Variants in CCDC60 observed in about 807,000 individuals in gnomAD.
The protein encoded by CCDC60 is coiled-coil domain containing 60.
CCDC60 carries 54 observed loss-of-function variants against 63.5 expected under a neutral mutation model. That is an observed-to-expected ratio of 0.85 (90% CI 0.68 to 1.07). The LOEUF (loss-of-function observed/expected upper bound fraction) is 1.07, where lower values mean the gene tolerates loss of function less well. Ranked by LOEUF, CCDC60 falls within the 50% of genes least tolerant of loss-of-function variation. The pLI is 0.00. For missense variants in CCDC60, 651 were observed against 684.3 expected (o/e 0.95, Z 0.54); for synonymous variants, 206 against 238.8 (o/e 0.86, Z 1.27).
At chr12:119,360,659 C>G (rs540321800) in intron 1 of CCDC60, among the ~76,000 whole-genome samples, 1 of 151,654 alleles carries the variant, frequency 6.6e-6, no homozygotes, top group Non-Finnish European at 1.5e-5. Context: ...CGATGGGCGG[C>G]GGGGCAGAGA....
At chr12:119,442,561 C>G (rs1291605097) in intron 2 of CCDC60, among the ~76,000 whole-genome samples, 1 of 152,170 alleles carries the variant, frequency 6.6e-6, no homozygotes, top group Admixed American at 6.5e-5. Flanking sequence ...TATTTTGAAG[C>G]ATTATATCAT....
At chr12:119,360,427 C>CG (rs1263421184) in intron 1 of CCDC60, among the ~76,000 whole-genome samples, 1 of 151,010 alleles carries the variant, frequency 6.6e-6, no homozygotes, top group African/African-American at 2.4e-5. Context: ...GGGTGGCTGC[C>CG]GGGCGGAGAC....
chr12:119,500,402 AG>A (rs1951823663), intron 6 of CCDC60, among the ~76,000 whole-genome samples: 1 of 152,076 alleles, frequency 6.6e-6, no homozygotes, highest in South Asian at 2.1e-4. Context: ...TGGGGACAGG[AG>A]GGGGTGCTAA....
chr12:119,509,194 G>A lies in CCDC60; in HGVS notation c.883+3891G>A, dbSNP rs544600519. Reference sequence around the variant, plus strand: ...AAGATAGAAAACTAGGGGCACATACGGAGATCCTCACACTTATGTTTTGTT... The same window carrying A: ...AAGATAGAAAACTAGGGGCACATACAGAGATCCTCACACTTATGTTTTGTT... On this transcript the variant is annotated intron_variant, in intron 7 of 13. Coordinates refer to ENST00000327554, the MANE Select transcript of CCDC60 (RefSeq NM_178499.5). Among the ~76,000 whole-genome samples the A allele has an allele frequency of 4.6e-5, 7 of 152,156 alleles. No individual in the cohort carries two copies. In the South Asian group the frequency reaches 8.3e-4, roughly 18 times the overall value.
rs117732301 is a variant in CCDC60, at chr12:119,342,854, C to G, written c.90+7588C>G. Among the ~76,000 whole-genome samples, 718 of 152,270 alleles carry G rather than the reference C, an allele frequency of 4.7e-3. 6 individuals are homozygous for G. The highest frequency in any genetic ancestry group is 0.01 in the Middle Eastern group (3 of 294). On this transcript the variant is annotated intron_variant, in intron 1 of 13. Coordinates refer to ENST00000327554, the MANE Select transcript of CCDC60 (RefSeq NM_178499.5). ...TGTGTGCCATCTTTATTCCTGTGACCCCCATCTGTTTCACTGTTTGGTGAG... is the reference window on the plus strand; with the variant it reads ...TGTGTGCCATCTTTATTCCTGTGACGCCCATCTGTTTCACTGTTTGGTGAG...
intron 6 of CCDC60, among the ~76,000 whole-genome samples, chr12:119,502,325 C>G (rs1162836037): frequency 2.0e-5 from 3 of 152,166 alleles, no homozygotes; most frequent in African/African-American, 7.2e-5. Context: ...TCCCCATGGG[C>G]CACCAGTCTG....
rs200369521 is a variant in CCDC60 at position 119,523,002 on chromosome 12, G to T, written c.1103+1G>T. 4.4e-5 allele frequency: 71 copies of T among 1,613,862 alleles called. No individual in the cohort carries two copies. The highest frequency in any genetic ancestry group is 5.9e-5 in the Non-Finnish European group (70 of 1,179,874). Reference sequence around the variant, plus strand: ...AACCAGTCCAGAAGAAGTCTAAAAAGTAAGCCAGGAGGGCAATGGAAGGAA... The same window carrying T: ...AACCAGTCCAGAAGAAGTCTAAAAATTAAGCCAGGAGGGCAATGGAAGGAA... On this transcript the variant is annotated splice_donor_variant, in intron 10 of 13. Transcript: ENST00000327554. LOFTEE classifies it high-confidence loss of function.
chr12:119,340,143 T>C (rs1955517512), intron 1 of CCDC60, among the ~76,000 whole-genome samples: 1 of 152,168 alleles, frequency 6.6e-6, no homozygotes, highest in South Asian at 2.1e-4. Flanking sequence ...CTGTTTCAAT[T>C]ATATGTCTCA....
intron 1 of CCDC60, among the ~76,000 whole-genome samples, chr12:119,350,967 AC>A (rs1198056168): frequency 6.6e-6 from 1 of 151,918 alleles, no homozygotes; most frequent in African/African-American, 2.4e-5. Flanking sequence ...CCATCTCTCT[AC>A]CTTCCTTGCC....
intron 1 of CCDC60, among the ~76,000 whole-genome samples, chr12:119,414,219 G>T (rs78515948): frequency 3.9e-5 from 6 of 152,076 alleles, no homozygotes; most frequent in African/African-American, 1.4e-4. Context: ...GGATTTCACC[G>T]TGTTGGCCAA....
At chr12:119,491,043 G>A (rs1593165791) in intron 5 of CCDC60, among the ~76,000 whole-genome samples, 1 of 152,188 alleles carries the variant, frequency 6.6e-6, no homozygotes, top group Non-Finnish European at 1.5e-5. Context: ...TCTTTCTAAT[G>A]CCTTCCTTTT....
At chr12:119,379,449 T>C (rs1188906173) in intron 1 of CCDC60, among the ~76,000 whole-genome samples, 1 of 152,222 alleles carries the variant, frequency 6.6e-6, no homozygotes, top group Admixed American at 6.5e-5. Context: ...TCCACAACAC[T>C]GTTCTGCACT....
chr12:119,359,679 G>A (rs1308868551), intron 1 of CCDC60, among the ~76,000 whole-genome samples: 10 of 145,636 alleles, frequency 6.9e-5, no homozygotes, highest in African/African-American at 1.7e-4. Context: ...AGGACCCTGC[G>A]GCCTTCCGCA....
At chr12:119,349,429 T>C (rs1242187646) in intron 1 of CCDC60, among the ~76,000 whole-genome samples, 2 of 142,098 alleles carry the variant, frequency 1.4e-5, no homozygotes, top group East Asian at 4.5e-4. Context: ...CACTGCAACC[T>C]CTGCCTCCCA....
chr12:119,337,406 T>G (rs1342181500), intron 1 of CCDC60, among the ~76,000 whole-genome samples: 2 of 152,196 alleles, frequency 1.3e-5, no homozygotes, highest in African/African-American at 4.8e-5. Context: ...CCTGTGGTCT[T>G]GGGCAAGCTG....
intron 2 of CCDC60, among the ~76,000 whole-genome samples, chr12:119,471,230 A>T (rs1233285991): frequency 6.6e-6 from 1 of 152,246 alleles, no homozygotes; most frequent in Non-Finnish European, 1.5e-5. Flanking sequence ...TTGAGTTGGC[A>T]TGAAAAGAAT....
chr12:119,452,988 A>G (rs1273471297), intron 2 of CCDC60, among the ~76,000 whole-genome samples: 1 of 151,912 alleles, frequency 6.6e-6, no homozygotes, highest in Admixed American at 6.6e-5. Context: ...ATGCCCAGCT[A>G]ATTTTATTTT....
intron 1 of CCDC60, among the ~76,000 whole-genome samples, chr12:119,371,465 T>C (rs12823795): frequency 0.11 from 16,435 of 152,154 alleles, 1,652 homozygotes; most frequent in East Asian, 0.55. Flanking sequence ...ATGAAATGAA[T>C]GAGTGAATGA....
At chr12:119,522,775 C>G (rs1952562774) in intron 9 of CCDC60, among the ~76,000 whole-genome samples, 164 bp from the exon 10 acceptor site, 1 of 152,086 alleles carries the variant, frequency 6.6e-6, no homozygotes. Flanking sequence ...GAGGAAAGGC[C>G]AAGAGGTGGG....
Sources: gnomAD v4.1 joint callset for allele counts (sites outside exome capture counted in the v4.1 genomes callset) on GRCh38, gnomAD v4.1.1 for gene constraint, MANE v1.5 for transcripts, NCBI Gene and HGNC (gene_info 2026-07-23, HGNC 2026-07-21) for gene names.